RRBP1: variants seen among roughly 807,000 people sequenced by gnomAD.
RRBP1 encodes the protein ribosome-binding protein 1.
In RRBP1, 94 loss-of-function variants were observed where a neutral mutation model predicts 165.2. The ratio of observed to expected loss-of-function variants is 0.57; its 90% CI spans 0.48 to 0.68. The LOEUF (loss-of-function observed/expected upper bound fraction) is 0.68. Ranked by LOEUF, RRBP1 falls within the 30% of genes least tolerant of loss-of-function variation. The pLI is 0.00. For missense variants in RRBP1, 1,676 were observed against 1,763.0 expected, an observed-to-expected ratio of 0.95 and a Z score of 0.88; for synonymous variants, 680 against 714.5, an observed-to-expected ratio of 0.95 and a Z score of 0.77.
intron 8 of RRBP1, among the ~76,000 whole-genome samples, chr20:17,630,927 C>G (rs2036139036): frequency 6.6e-6 from 1 of 152,242 alleles, no homozygotes; most frequent in South Asian, 2.1e-4. Flanking sequence ...GGCTGCACAA[C>G]CTGGAGCTGG....
intron 2 of RRBP1, among the ~76,000 whole-genome samples, chr20:17,663,411 C>A (rs997979730): frequency 6.6e-5 from 10 of 152,200 alleles, no homozygotes; most frequent in Admixed American, 1.3e-4. Context: ...TCCTTTGCAA[C>A]GCACACAAAT....
intron 2 of RRBP1, among the ~76,000 whole-genome samples, chr20:17,672,851 CG>C (rs2037002532): frequency 1.3e-5 from 2 of 152,176 alleles, no homozygotes; most frequent in Non-Finnish European, 2.9e-5. Context: ...AAGTCTTACA[CG>C]TAACGTTGAG....
At chr20:17,672,933 A>C (rs1367788214) in intron 2 of RRBP1, among the ~76,000 whole-genome samples, 1 of 152,100 alleles carries the variant, frequency 6.6e-6, no homozygotes, top group East Asian at 1.9e-4. Context: ...AAAATCAATC[A>C]CTGGTATTAT....
chr20:17,635,782 T>C, intron 6 of RRBP1, 118 bp from the exon 7 acceptor site: 2 of 768,974 alleles, frequency 2.6e-6, no homozygotes, highest in Non-Finnish European at 4.3e-6. Flanking sequence ...AGCCTCCACC[T>C]TTTCCACGTG....
rs766212093 is a variant in RRBP1 at position 17,629,969 on chromosome 20, C to CG, written c.2611-9dup. On this transcript the variant is annotated splice_polypyrimidine_tract_variant and intron_variant, in intron 8 of 24. Coordinates refer to ENST00000377813, the MANE Select transcript of RRBP1 (RefSeq NM_001365613.2). ...ACTCTCCCTGTGGGACGCCTGGGGA[C>CG]GGGCAGGGGAGTGGGGCAGTGAAGA... 6.3e-7 allele frequency: 1 copy of CG among 1,591,818 alleles called. No individual in the cohort carries two copies. The highest frequency in any genetic ancestry group is 8.5e-7 in the Non-Finnish European group (1 of 1,173,990).
chr20:17,622,977 C>G (rs1385417791), intron 13 of RRBP1: 2 of 152,222 alleles, frequency 1.3e-5, no homozygotes, highest in Non-Finnish European at 2.9e-5. Context: ...AGAAGCGGGC[C>G]CTTCCTGGCT....
At chr20:17,630,844 T>G (rs2036136522) in intron 8 of RRBP1, among the ~76,000 whole-genome samples, 1 of 152,250 alleles carries the variant, frequency 6.6e-6, no homozygotes, top group Non-Finnish European at 1.5e-5. Context: ...TAAGAGGCTG[T>G]GAGTTATCCC....
intron 7 of RRBP1, among the ~76,000 whole-genome samples, 196 bp from the exon 8 acceptor site, chr20:17,633,809 T>A (rs1231198847): frequency 6.6e-6 from 1 of 152,216 alleles, no homozygotes; most frequent in African/African-American, 2.4e-5. Flanking sequence ...GTTTTACCTA[T>A]ATAGTGCATG....
chr20:17,678,242 C>T (rs989322990), intron 2 of RRBP1, among the ~76,000 whole-genome samples: 1 of 152,196 alleles, frequency 6.6e-6, no homozygotes, highest in Non-Finnish European at 1.5e-5. Flanking sequence ...GCCTCCTTGC[C>T]TAGGCACTGT....
rs146531264 is a variant in RRBP1, at chr20:17,641,834, G to A, written c.2147C>T (p.Ala716Val). 1.2e-4 allele frequency: 198 copies of A among 1,613,744 alleles called. No homozygotes were observed. The highest frequency in any genetic ancestry group is 1.4e-4 in the Non-Finnish European group (168 of 1,179,992). Reference sequence around the variant, plus strand: ...CCTCAGTTTGCTCTTGGCGACAGCCGCATCTTCCTGTTCTGTGGCCAGCAG... The same window carrying A: ...CCTCAGTTTGCTCTTGGCGACAGCCACATCTTCCTGTTCTGTGGCCAGCAG... Reference protein sequence around the residue: ...EKLLATEQEDAAVAKSKLREL... With the variant: ...EKLLATEQEDVAVAKSKLREL... The change falls in exon 5 of 25, where the codon GCG (alanine) becomes GTG (valine). Residue 716 changes from alanine to valine, a missense_variant. Around this residue, in one of 5 missense-constraint regions of RRBP1, gnomAD observed 1,184 missense variants for 1,167.1 expected, o/e 1.01. Coordinates refer to ENST00000377813, the MANE Select transcript of RRBP1 (RefSeq NM_001365613.2).
At chr20:17,614,982 G>A in intron 23 of RRBP1, 102 bp from the exon 24 acceptor site, 4 of 1,345,662 alleles carry the variant, frequency 3.0e-6, no homozygotes, top group Non-Finnish European at 4.1e-6. Context: ...AGCCCTCTGG[G>A]GACACAAGGA....
intron 9 of RRBP1, among the ~76,000 whole-genome samples, chr20:17,628,706 C>T (rs577212930): frequency 1.3e-5 from 2 of 152,374 alleles, no homozygotes; most frequent in African/African-American, 4.8e-5. Context: ...ATTCCCACCT[C>T]CGGGCCCTGT....
At position 17,635,683 on chromosome 20, in the gene RRBP1, G is replaced by A. The variant is rs750795742; in HGVS notation, c.2338-19C>T. 3.8e-6 allele frequency: 6 copies of A among 1,587,248 alleles called. No individual in the cohort carries two copies. Among genetic ancestry groups the A allele is most frequent in the Non-Finnish European group, 5.2e-6 (6 of 1,156,702 alleles). On this transcript the variant is annotated intron_variant, in intron 6 of 24. Transcript: ENST00000377813. ...TCCGGATCTGGAAAGTCACGGGCAA[G>A]GGCATCAGAGGCAGCTCGGCCTCAC...
At chr20:17,632,930 G>A (rs1357207068) in intron 8 of RRBP1, among the ~76,000 whole-genome samples, 1 of 152,216 alleles carries the variant, frequency 6.6e-6, no homozygotes, top group African/African-American at 2.4e-5. Context: ...CAGAAGCTGA[G>A]AAAGAAGAAA....
chr20:17,626,824 C>T (rs2036030907), intron 11 of RRBP1, among the ~76,000 whole-genome samples: 2 of 152,216 alleles, frequency 1.3e-5, no homozygotes, highest in African/African-American at 4.8e-5. Context: ...GTGCTGCTGA[C>T]ACGGAGGGAA....
In RRBP1 at chr20:17,658,826, T is replaced by C; in HGVS notation, c.1682A>G (p.Glu561Gly). Residue 561 changes from glutamate (E) to glycine (G), a missense_variant, in exon 3 of 25, where the codon GAG (glutamate) becomes GGG (glycine). Physicochemically the swap from Glu to Gly is moderately conservative, Grantham distance 98 (BLOSUM62 -2). This residue lies in a region of RRBP1 where 1,184 missense variants were observed against 1,167.1 expected (regional missense o/e 1.01). Coordinates refer to ENST00000377813, the MANE Select transcript of RRBP1 (RefSeq NM_001365613.2). Reference sequence around the variant, plus strand: ...TTTTTTCCCCTGGTTTGTAATACCCTCTACCTTTGTGCCCTGATTAGCAAC... The same window carrying C: ...TTTTTTCCCCTGGTTTGTAATACCCCCTACCTTTGTGCCCTGATTAGCAAC... ...DSVANQGTKV[E>G]GITNQGKKAE... 1 of 1,614,042 alleles carries C rather than the reference T, an allele frequency of 6.2e-7. No homozygotes were observed. The highest frequency in any genetic ancestry group is 8.5e-7 in the Non-Finnish European group (1 of 1,179,896).
chr20:17,670,337 C>T (rs2036952144), intron 2 of RRBP1, among the ~76,000 whole-genome samples: 1 of 150,672 alleles, frequency 6.6e-6, no homozygotes, highest in South Asian at 2.1e-4. Context: ...TTCTTTCCTC[C>T]TACCATTCTT....
rs776312813 is a variant in RRBP1, at chr20:17,660,145, G to A, written c.363C>T (p.Val121=). 4.2e-5 allele frequency: 67 copies of A among 1,614,012 alleles called. No homozygotes were observed. The Admixed American group carries it at 7.5e-4, about 18-fold the overall frequency. ...PVQPPIIVAP[V]ATVPAMPQEK... Reference sequence around the variant, plus strand: ...CCTGGGGCATGGCTGGAACTGTGGCGACAGGAGCAACGATAATGGGGGGCT... The same window carrying A: ...CCTGGGGCATGGCTGGAACTGTGGCAACAGGAGCAACGATAATGGGGGGCT... The change falls in exon 3 of 25, where the codon GTC becomes GTT. Residue 121 remains valine, a synonymous_variant. Coordinates refer to ENST00000377813, the MANE Select transcript of RRBP1 (RefSeq NM_001365613.2).
intron 3 of RRBP1, among the ~76,000 whole-genome samples, chr20:17,657,799 C>T (rs2036672423): frequency 6.6e-6 from 1 of 152,178 alleles, no homozygotes; most frequent in African/African-American, 2.4e-5. Context: ...TGTTAATGCT[C>T]TATAATGCTT....
Sources: gnomAD v4.1 joint callset for allele counts (sites outside exome capture counted in the v4.1 genomes callset) on GRCh38, gnomAD v4.1.1 for gene constraint, gnomAD v4.1.1 regional missense constraint, MANE v1.5 for transcripts, NCBI Gene and HGNC (gene_info 2026-07-23, HGNC 2026-07-21) for gene names.